LIX1: variants seen among roughly 807,000 people sequenced by gnomAD.
The protein encoded by LIX1 is limb and CNS expressed 1.
LIX1 carries 24 observed loss-of-function variants against 33.4 expected under a neutral mutation model. That is an observed-to-expected ratio of 0.72 (90% confidence interval 0.52 to 1.01). The LOEUF is 1.01. Ranked by LOEUF, LIX1 falls within the 50% of genes least tolerant of loss-of-function variation. LIX1 has a pLI of 0.00. For synonymous variants in LIX1, 124 were observed against 124.0 expected, an observed-to-expected ratio of 1.00 and a Z score of 0.00; for missense variants, 311 against 339.2, an observed-to-expected ratio of 0.92 and a Z score of 0.65.
In LIX1 at chr5:97,094,041, C is replaced by T. The variant is rs1362300750; in HGVS notation, c.*707G>A. ...GACTCATAAACATTGGATATTAATT[C>T]TTGAGGAATAAGAGTGAGGCTACTT... On this transcript the variant is annotated 3_prime_UTR_variant, in exon 6 of 6. Coordinates refer to ENST00000274382, the MANE Select transcript of LIX1 (RefSeq NM_153234.5). The T allele has an allele frequency of 6.6e-6, 1 of 152,184 alleles. No individual in the cohort carries two copies. The highest frequency in any genetic ancestry group is 2.4e-5 in the African/African-American group (1 of 41,396). The allele number at this position is 152,184 out of a possible 1,614,324, so 9.4% of individuals were successfully genotyped here. A position where few individuals can be genotyped will look rare whatever the true frequency, so the allele number is the denominator to read the frequency against.
chr5:97,125,236 G>T (rs1214738558), intron 1 of LIX1, among the ~76,000 whole-genome samples: 8 of 152,182 alleles, frequency 5.3e-5, no homozygotes. Flanking sequence ...AGGTCTGTTC[G>T]AGTATTTCAG....
chr5:97,107,447 G>A lies in LIX1; in HGVS notation c.300C>T (p.Ile100=), dbSNP rs868347687. ...AGGGCAGCTCATTGAAGAGGGAGTT[G>A]ATCAGGGCCACTTTAGCTGCATCCC... is the stretch of plus-strand genomic sequence containing the variant. ...ARRDAAKVAL[I]NSLFNELPSR... is the part of the protein sequence containing the mutation. The change falls in exon 3 of 6, where the codon ATC becomes ATT. Residue 100 remains isoleucine, a synonymous_variant. Transcript: ENST00000274382. 1 of 1,613,534 alleles carries A rather than the reference G, an allele frequency of 6.2e-7. No homozygotes were observed. The highest frequency in any genetic ancestry group is 1.7e-5 in the Admixed American group (1 of 60,018).
intron 1 of LIX1, among the ~76,000 whole-genome samples, chr5:97,128,622 A>G (rs551198484): frequency 3.3e-5 from 5 of 151,914 alleles, no homozygotes; most frequent in African/African-American, 1.2e-4. Flanking sequence ...TTTTTCATAA[A>G]CTCTTCTCTT....
Position 97,125,007 on chromosome 5 carries a change from A to C in LIX1, c.83-378T>G. On this transcript the variant is annotated intron_variant, in intron 1 of 5. Transcript: ENST00000274382. ...TTCTGCTTTGAACATTTGTCTTAAT[A>C]GACTTTATCCAGAGCTGTGATTATC... 1.3e-5 allele frequency among the ~76,000 whole-genome samples: 2 copies of C among 152,198 alleles called. 1 individual carries two copies. The highest frequency in any genetic ancestry group is 3.8e-4 in the East Asian group (2 of 5,196).
At chr5:97,120,521 G>A (rs773271880) in intron 2 of LIX1, among the ~76,000 whole-genome samples, 1 of 152,184 alleles carries the variant, frequency 6.6e-6, no homozygotes, top group African/African-American at 2.4e-5. Flanking sequence ...GAGGTAGGGA[G>A]TTCCATCAGG....
At chr5:97,099,983 G>T (rs184904519) in intron 4 of LIX1, among the ~76,000 whole-genome samples, 1 of 152,224 alleles carries the variant, frequency 6.6e-6, no homozygotes, top group East Asian at 1.9e-4. Context: ...TTGCATCCTT[G>T]TGGCCCAGTT....
chr5:97,122,109 C>G (rs1454555465), intron 2 of LIX1, among the ~76,000 whole-genome samples: 3 of 152,308 alleles, frequency 2.0e-5, no homozygotes, highest in East Asian at 3.9e-4. Flanking sequence ...TCATCCTCCT[C>G]AGTCAATTCA....
At chr5:97,136,073 C>T (rs1383527993) in intron 1 of LIX1, among the ~76,000 whole-genome samples, 4 of 152,176 alleles carry the variant, frequency 2.6e-5, no homozygotes, top group Non-Finnish European at 4.4e-5. Flanking sequence ...GAGTTTGGCT[C>T]TAAAGAGCAT....
intron 1 of LIX1, among the ~76,000 whole-genome samples, chr5:97,125,314 A>T (rs569136432): frequency 5.9e-4 from 90 of 152,350 alleles, no homozygotes; most frequent in Non-Finnish European, 1.1e-3. Flanking sequence ...CAGAAGTTCC[A>T]GATCAAATTA....
At chr5:97,115,756 TAA>T (rs35264000) in intron 2 of LIX1, among the ~76,000 whole-genome samples, 26 of 139,966 alleles carry the variant, frequency 1.9e-4, no homozygotes, top group Admixed American at 2.1e-4. Flanking sequence ...GAAGCAGGAT[TAA>T]AAAAAAAAAA....
rs1160729942 is a variant in LIX1 at position 97,104,717 on chromosome 5, AT to A, written c.483+472del. Among the ~76,000 whole-genome samples, 4 of 152,242 alleles carry A rather than the reference AT, an allele frequency of 2.6e-5. No individual in the cohort carries two copies. In the East Asian group the frequency reaches 7.7e-4, roughly 29 times the overall value. On this transcript the variant is annotated intron_variant, in intron 4 of 5. Transcript: ENST00000274382. ...GATGAAAAAGAGTTACAGATTGTTAATTTTTTTGATTTCATTGATGATAGGA... is the reference window on the plus strand; with the variant it reads ...GATGAAAAAGAGTTACAGATTGTTAATTTTTTGATTTCATTGATGATAGGA...
chr5:97,142,078 G>A (rs1009611870), intron 1 of LIX1, among the ~76,000 whole-genome samples: 2 of 152,174 alleles, frequency 1.3e-5, no homozygotes, highest in Admixed American at 6.5e-5. Context: ...AGACAAACAC[G>A]ATACTTGAAT....
rs371309305 is a variant in LIX1 at position 97,107,472 on chromosome 5, C to A, written c.275G>T (p.Arg92Leu). 3.1e-6 allele frequency: 5 copies of A among 1,613,874 alleles called. No individual in the cohort carries two copies. Among genetic ancestry groups the A allele is most frequent in the Admixed American group, 3.3e-5 (2 of 60,012 alleles). ...QCCLSRAEAR[R>L]DAAKVALINS... ...GATCAGGGCCACTTTAGCTGCATCC[C>A]GCCTGGCCTCGGCTCTACTTAAGCA... The change falls in exon 3 of 6, where the codon CGG (arginine) becomes CTG (leucine). Residue 92 changes from arginine (R) to leucine (L), a missense_variant. Physicochemically the swap from Arg to Leu is moderately radical, Grantham distance 102. Coordinates refer to ENST00000274382, the MANE Select transcript of LIX1 (RefSeq NM_153234.5).
At chr5:97,124,086 G>T (rs775298564) in intron 2 of LIX1, among the ~76,000 whole-genome samples, 13 of 152,240 alleles carry the variant, frequency 8.5e-5, no homozygotes, top group South Asian at 2.1e-4. Context: ...ATAGTATCAG[G>T]TATGACGTTA....
rs1477980295 is a variant in LIX1 at position 97,093,616 on chromosome 5, T to A, written c.*1132A>T. On this transcript the variant is annotated 3_prime_UTR_variant, in exon 6 of 6. Transcript: ENST00000274382. ...GGGCAACATGATGAAATCCCGTCTC[T>A]ACTAAAAAAAAAAAAAAAAAAAAAG... 9.7e-6 allele frequency: 1 copy of A among 102,676 alleles called. No homozygotes were observed. Among genetic ancestry groups the A allele is most frequent in the African/African-American group, 4.5e-5 (1 of 22,446 alleles). 6.4% of individuals were successfully genotyped at this position (102,676 alleles called of 1,614,324 possible). A position where few individuals can be genotyped will look rare whatever the true frequency, so the allele number is the denominator to read the frequency against.
At chr5:97,124,443 A>G (rs1438122399) in intron 2 of LIX1, 23 bp downstream of exon 2, 2 of 1,565,470 alleles carry the variant, frequency 1.3e-6, no homozygotes, top group Admixed American at 1.9e-5. Context: ...ACTTTCACTG[A>G]CAAATTAATG....
At position 97,099,768 on chromosome 5, in the gene LIX1, C is replaced by T. The variant is rs73143127; in HGVS notation, c.484-2881G>A. Among the ~76,000 whole-genome samples, 1,399 of 152,198 alleles carry T rather than the reference C, an allele frequency of 9.2e-3. 25 individuals carry two copies. The highest frequency in any genetic ancestry group is 0.031 in the African/African-American group (1,303 of 41,502). On this transcript the variant is annotated intron_variant, in intron 4 of 5. Coordinates refer to ENST00000274382, the MANE Select transcript of LIX1 (RefSeq NM_153234.5). ...AGGAAAATTGTTTGAACCTGGGAGGCGGAGAGTACAGTCAGCTGCGATCGC... is the reference window on the plus strand; with the variant it reads ...AGGAAAATTGTTTGAACCTGGGAGGTGGAGAGTACAGTCAGCTGCGATCGC...
chr5:97,142,539 G>A lies in LIX1; in HGVS notation c.38C>T (p.Ala13Val). The change falls in exon 1 of 6, where the codon GCC (alanine) becomes GTC (valine). Residue 13 changes from alanine to valine, a missense_variant. Coordinates refer to ENST00000274382, the MANE Select transcript of LIX1 (RefSeq NM_153234.5). ...RTLESLRHII[A>V]QVLPHRDPAL... Reference sequence around the variant, plus strand: ...CGGATCTCTGTGAGGCAAGACTTGGGCAATGATGTGTCTCAGAGATTCCAA... The same window carrying A: ...CGGATCTCTGTGAGGCAAGACTTGGACAATGATGTGTCTCAGAGATTCCAA... The A allele has an allele frequency of 6.2e-7, 1 of 1,614,028 alleles. No individual in the cohort carries two copies. The highest frequency in any genetic ancestry group is 8.5e-7 in the Non-Finnish European group (1 of 1,179,914).
chr5:97,117,021 C>T (rs570680061), intron 2 of LIX1, among the ~76,000 whole-genome samples: 53 of 152,200 alleles, frequency 3.5e-4, no homozygotes, highest in African/African-American at 1.2e-3. Flanking sequence ...AAAAAAGAAA[C>T]AGATTAAAGT....
Sources: gnomAD v4.1 joint callset for allele counts (sites outside exome capture counted in the v4.1 genomes callset) on GRCh38, gnomAD v4.1.1 for gene constraint, MANE v1.5 for transcripts, NCBI Gene and HGNC (gene_info 2026-07-23, HGNC 2026-07-21) for gene names.